LDB2: variants seen among roughly 807,000 people sequenced by gnomAD.
LDB2 encodes the protein LIM domain-binding protein 2.
In LDB2, 12 loss-of-function variants were observed where a neutral mutation model predicts 44.3. That is an observed-to-expected ratio of 0.27 (90% CI 0.17 to 0.44). The LOEUF (loss-of-function observed/expected upper bound fraction) is 0.44, where lower values mean the gene tolerates loss of function less well. LDB2 is among the 20% of genes least tolerant of loss of function. The pLI is 1.00. For synonymous variants in LDB2, 164 were observed against 174.8 expected, an observed-to-expected ratio of 0.94 and a Z score of 0.49; for missense variants, 344 against 473.5, an observed-to-expected ratio of 0.73 and a Z score of 2.54.
chr4:16,699,340 C>T (rs975221302), intron 2 of LDB2, among the ~76,000 whole-genome samples: 1 of 152,240 alleles, frequency 6.6e-6, no homozygotes, highest in Non-Finnish European at 1.5e-5. Flanking sequence ...TAAGGATCAT[C>T]ACTAACTAAT....
chr4:16,610,664 A>G (rs748602912), intron 2 of LDB2, among the ~76,000 whole-genome samples: 3 of 152,096 alleles, frequency 2.0e-5, no homozygotes, highest in Non-Finnish European at 4.4e-5. Flanking sequence ...GAATAGCGAA[A>G]AAAAAAAAAT....
intron 1 of LDB2, among the ~76,000 whole-genome samples, chr4:16,812,613 T>C (rs1780103709): frequency 1.6e-5 from 2 of 124,492 alleles, no homozygotes; most frequent in Non-Finnish European, 3.3e-5. Flanking sequence ...TATATATATA[T>C]ATCTGTGTAT....
At chr4:16,714,887 C>A (rs558872442) in intron 2 of LDB2, among the ~76,000 whole-genome samples, 1 of 152,092 alleles carries the variant, frequency 6.6e-6, no homozygotes, top group African/African-American at 2.4e-5. Context: ...CTTCTGGGGA[C>A]ATCGGTCATT....
chr4:16,869,498 C>T (rs1715808230), intron 1 of LDB2, among the ~76,000 whole-genome samples: 1 of 152,122 alleles, frequency 6.6e-6, no homozygotes, highest in African/African-American at 2.4e-5. Context: ...AGTATTAATT[C>T]ATCTAATTCC....
intron 2 of LDB2, among the ~76,000 whole-genome samples, chr4:16,711,216 A>G (rs1755796146): frequency 6.6e-6 from 1 of 152,250 alleles, no homozygotes; most frequent in African/African-American, 2.4e-5. Flanking sequence ...AAACAGAAGG[A>G]GTTAACCAGT....
chr4:16,759,701 C>T (rs897394381), intron 1 of LDB2, among the ~76,000 whole-genome samples: 2 of 152,034 alleles, frequency 1.3e-5, no homozygotes, highest in African/African-American at 4.8e-5. Flanking sequence ...ATTTAATCAA[C>T]AGAGATGTTC....
chr4:16,763,090 C>T (rs1039098296), intron 1 of LDB2, among the ~76,000 whole-genome samples: 14 of 151,182 alleles, frequency 9.3e-5, no homozygotes, highest in African/African-American at 1.2e-4. Flanking sequence ...CACACACACA[C>T]ACACACACAC....
Position 16,643,375 on chromosome 4 carries a change from A to C in LDB2, c.236-47500T>G, listed in dbSNP as rs369506613. Among the ~76,000 whole-genome samples, 11 of 152,346 alleles carry C rather than the reference A, an allele frequency of 7.2e-5. No homozygotes were observed. The East Asian group carries it at 1.9e-3, about 27-fold the overall frequency. On this transcript the variant is annotated intron_variant, in intron 2 of 7. Coordinates refer to ENST00000304523, the MANE Select transcript of LDB2 (RefSeq NM_001290.5). ...TCAGATTCCTTATCCATATCAAAGG[A>C]TTGATAATAGTTCTTTTCTCACAGA...
intron 4 of LDB2, among the ~76,000 whole-genome samples, chr4:16,587,746 T>C (rs1717518038): frequency 6.6e-6 from 1 of 152,086 alleles, no homozygotes. Context: ...GGCAAAATCT[T>C]GATTTTGCTA....
intron 2 of LDB2, among the ~76,000 whole-genome samples, chr4:16,611,539 GA>G (rs35701667): frequency 2.7e-5 from 4 of 146,016 alleles, no homozygotes; most frequent in South Asian, 2.1e-4. Context: ...CAAATGGAAA[GA>G]AAAAAAAAAA....
intron 1 of LDB2, among the ~76,000 whole-genome samples, chr4:16,802,675 C>T (rs1778066854): frequency 6.6e-6 from 1 of 152,204 alleles, no homozygotes; most frequent in Admixed American, 6.5e-5. Flanking sequence ...TGTGTCCCCA[C>T]CCAAATCTTA....
chr4:16,528,185 C>T (rs948913909), intron 5 of LDB2, among the ~76,000 whole-genome samples: 11 of 152,028 alleles, frequency 7.2e-5, no homozygotes, highest in African/African-American at 2.7e-4. Flanking sequence ...AAGAATGATA[C>T]AATGGACTTT....
intron 5 of LDB2, among the ~76,000 whole-genome samples, chr4:16,569,219 A>T (rs1314149920): frequency 6.6e-6 from 1 of 152,216 alleles, no homozygotes; most frequent in Non-Finnish European, 1.5e-5. Context: ...AAGGCTACAA[A>T]TACTTTCGAA....
chr4:16,689,467 A>ACATAAACTGTTACAG (rs1311550124), intron 2 of LDB2, among the ~76,000 whole-genome samples: 1 of 152,202 alleles, frequency 6.6e-6, no homozygotes, highest in African/African-American at 2.4e-5. Context: ...AGTTATGCAT[A>ACATAAACTGTTACAG]TTTAACAGCC....
intron 5 of LDB2, among the ~76,000 whole-genome samples, chr4:16,544,656 G>A (rs1019051669): frequency 1.3e-5 from 2 of 152,138 alleles, no homozygotes; most frequent in African/African-American, 4.8e-5. Context: ...GGAGATAAGA[G>A]GGAGTGAGGG....
chr4:16,504,590 C>T (rs1428204593), intron 7 of LDB2, among the ~76,000 whole-genome samples: 1 of 152,118 alleles, frequency 6.6e-6, no homozygotes, highest in East Asian at 1.9e-4. Flanking sequence ...TGACATGGAA[C>T]GAGACTCATG....
chr4:16,671,411 G>A (rs1744727784), intron 2 of LDB2, among the ~76,000 whole-genome samples: 1 of 152,066 alleles, frequency 6.6e-6, no homozygotes, highest in Non-Finnish European at 1.5e-5. Context: ...CTTTCATGCA[G>A]CCTCTAGCTC....
chr4:16,785,401 C>T (rs955648881), intron 1 of LDB2, among the ~76,000 whole-genome samples: 13 of 151,996 alleles, frequency 8.6e-5, no homozygotes, highest in African/African-American at 1.9e-4. Context: ...CCCTGGGAGA[C>T]GTGGTCATGC....
chr4:16,769,822 C>G (rs987893730), intron 1 of LDB2, among the ~76,000 whole-genome samples: 6 of 152,136 alleles, frequency 3.9e-5, no homozygotes, highest in Non-Finnish European at 7.3e-5. Context: ...ATCAAGCCCT[C>G]CCTTTTAGAA....
Sources: allele counts gnomAD v4.1 joint callset (sites outside exome capture counted in the v4.1 genomes callset), GRCh38; gene constraint gnomAD v4.1.1; transcripts MANE v1.5; gene names NCBI Gene and HGNC (gene_info 2026-07-23, HGNC 2026-07-21).